AVEN: variants seen among roughly 807,000 people sequenced by gnomAD.
AVEN encodes apoptosis and caspase activation inhibitor, also known as cell death regulator Aven.
In AVEN, 41 loss-of-function variants were observed where a neutral mutation model predicts 38.1. That is an observed-to-expected ratio of 1.08 (90% CI 0.84 to 1.40). The LOEUF is 1.40. Ranked by LOEUF, AVEN falls within the 40% of genes most tolerant of loss-of-function variation. AVEN has a pLI of 0.00. For synonymous variants in AVEN, 206 were observed against 171.8 expected, an observed-to-expected ratio of 1.20 and a Z score of -1.56; for missense variants, 605 against 438.8, an observed-to-expected ratio of 1.38 and a Z score of -3.38.
Position 34,038,684 on chromosome 15 carries a change from C to T in AVEN, c.267+96G>A, listed in dbSNP as rs1597379276. ...CCGGCGCCGCCGCCCGTCTGGCGCG[C>T]GCCTGGCACGCTCTCTTGCGGCTCT... On this transcript the variant is annotated intron_variant, in intron 1 of 5. Transcript: ENST00000306730. 4.7e-6 allele frequency: 5 copies of T among 1,064,506 alleles called. No individual in the cohort carries two copies. The East Asian group carries it at 2.1e-4, about 46-fold the overall frequency. 65.9% of individuals were successfully genotyped at this position (1,064,506 alleles called of 1,614,324 possible).
chr15:34,060,043 T>C (rs1900285279), intron 5 of AVEN, among the ~76,000 whole-genome samples: 1 of 152,194 alleles, frequency 6.6e-6, no homozygotes, highest in Non-Finnish European at 1.5e-5. Flanking sequence ...TTTTTTGCAC[T>C]GTGTGGCTTA....
chr15:33,943,730 C>T (rs1186055136), intron 2 of AVEN, among the ~76,000 whole-genome samples: 1 of 148,690 alleles, frequency 6.7e-6, no homozygotes, highest in Admixed American at 6.9e-5. Flanking sequence ...GAAGCTGCGG[C>T]AGAAGAGTCA....
At chr15:33,858,054 G>A (rs2079888964), downstream of AVEN, 2 of 1,098,336 alleles carry the variant, frequency 1.8e-6, no homozygotes, top group Admixed American at 2.7e-5. Flanking sequence ...GATTAAAGTA[G>A]AAGACAGATG....
At chr15:34,066,423 C>T (rs990687777) in intron 3 of AVEN, 2 of 152,246 alleles carry the variant, frequency 1.3e-5, no homozygotes, top group South Asian at 2.1e-4. Context: ...GAACACAAAT[C>T]GGGAAAGGAT....
chr15:33,983,146 G>GTGTGTGTA (rs1555512730), intron 2 of AVEN, among the ~76,000 whole-genome samples: 12 of 115,294 alleles, frequency 1.0e-4, no homozygotes, highest in African/African-American at 5.5e-4. Context: ...GTGTGTGTGT[G>GTGTGTGTA]TGTGTGTGTG....
chr15:33,891,749 G>A (rs1227652405), intron 2 of AVEN, among the ~76,000 whole-genome samples: 1 of 152,142 alleles, frequency 6.6e-6, no homozygotes, highest in Non-Finnish European at 1.5e-5. Flanking sequence ...ATACCCAGTA[G>A]TGGGATGGCT....
chr15:34,007,300 T>TA (rs557392998), intron 1 of AVEN, among the ~76,000 whole-genome samples: 4 of 152,096 alleles, frequency 2.6e-5, no homozygotes, highest in Non-Finnish European at 4.4e-5. Flanking sequence ...AAAAATGAAA[T>TA]AAAAAAATGA....
At chr15:33,863,107 A>C (rs1326019053), downstream of AVEN, among the ~76,000 whole-genome samples, 1 of 152,114 alleles carries the variant, frequency 6.6e-6, no homozygotes, top group Admixed American at 6.6e-5. Context: ...GTGCCTTCCC[A>C]TGGCACTGTT....
At chr15:34,041,901 A>G (rs1899490374), upstream of AVEN, among the ~76,000 whole-genome samples, 1 of 152,222 alleles carries the variant, frequency 6.6e-6, no homozygotes, top group Non-Finnish European at 1.5e-5. Flanking sequence ...TCTATTCTGC[A>G]GATGCCCTCA....
At chr15:33,993,524 T>G (rs909776309) in intron 2 of AVEN, among the ~76,000 whole-genome samples, 3 of 152,014 alleles carry the variant, frequency 2.0e-5, no homozygotes, top group African/African-American at 7.2e-5. Context: ...CCAAAAATGG[T>G]TCCCACCTCT....
intron 1 of AVEN, among the ~76,000 whole-genome samples, chr15:34,017,488 T>TTTTG (rs1267213550): frequency 2.6e-5 from 2 of 77,458 alleles, no homozygotes; most frequent in African/African-American, 5.8e-5. Context: ...TTTTTTGTTT[T>TTTTG]TTTTTTTTTT....
At chr15:33,854,701 A>C, downstream of AVEN, 1 of 1,534,460 alleles carries the variant, frequency 6.5e-7, no homozygotes, top group Non-Finnish European at 8.7e-7. Flanking sequence ...AATAAGAAAA[A>C]ATGTTTTATA....
At chr15:34,019,001 A>G (rs1304541683) in intron 1 of AVEN, among the ~76,000 whole-genome samples, 2 of 151,894 alleles carry the variant, frequency 1.3e-5, no homozygotes, top group Admixed American at 1.3e-4. Flanking sequence ...TCATTGGTGC[A>G]TCTACAATCT....
At chr15:33,875,657 A>G (rs1311835933) in intron 3 of AVEN, among the ~76,000 whole-genome samples, 1 of 152,184 alleles carries the variant, frequency 6.6e-6, no homozygotes, top group East Asian at 1.9e-4. Context: ...CCACTCTGTC[A>G]AAATCACGGC....
intron 3 of AVEN, among the ~76,000 whole-genome samples, chr15:33,875,158 G>C (rs1469234794): frequency 1.3e-5 from 2 of 152,182 alleles, no homozygotes; most frequent in East Asian, 1.9e-4. Context: ...TGTGGGAGCA[G>C]AACAGGGAGG....
intron 1 of AVEN, among the ~76,000 whole-genome samples, chr15:34,014,015 A>T (rs546559663): frequency 6.6e-6 from 1 of 152,246 alleles, no homozygotes; most frequent in South Asian, 2.1e-4. Flanking sequence ...CCAAGAGATA[A>T]CAGCTGTTCA....
chr15:34,014,096 C>T (rs1458589033), intron 1 of AVEN, among the ~76,000 whole-genome samples: 1 of 152,194 alleles, frequency 6.6e-6, no homozygotes, highest in East Asian at 1.9e-4. Flanking sequence ...GGCACAGTGG[C>T]TCACGCCTGC....
chr15:34,009,222 A>T (rs1473535838), intron 1 of AVEN, among the ~76,000 whole-genome samples: 1 of 152,218 alleles, frequency 6.6e-6, no homozygotes, highest in African/African-American at 2.4e-5. Context: ...AACGTAAGAA[A>T]ATTTGCTCTA....
intron 1 of AVEN, among the ~76,000 whole-genome samples, chr15:34,033,455 G>A (rs1170625065): frequency 6.6e-6 from 1 of 150,994 alleles, no homozygotes; most frequent in African/African-American, 2.4e-5. Flanking sequence ...GCAGTGAGCC[G>A]AGATCGTGCC....
Sources: allele counts gnomAD v4.1 joint callset (sites outside exome capture counted in the v4.1 genomes callset), GRCh38; gene constraint gnomAD v4.1.1; transcripts MANE v1.5; gene names NCBI Gene and HGNC (gene_info 2026-07-23, HGNC 2026-07-21).